Variants in HIVEP2 observed in about 807,000 individuals in gnomAD.
HIVEP2 encodes transcription factor HIVEP2.
Under a neutral mutation model 180.7 loss-of-function variants are expected in HIVEP2, and 14 were observed. The observed-to-expected ratio is 0.08, with a 90% confidence interval of 0.05 to 0.12. HIVEP2 has a LOEUF of 0.12. Among genes scored for constraint, HIVEP2 ranks in the 10% least tolerant of loss-of-function variants. The pLI is 1.00. For synonymous variants in HIVEP2, 1,184 were observed against 1,136.4 expected (o/e 1.04, Z -0.84); for missense variants, 2,579 against 3,008.5 (o/e 0.86, Z 3.34).
chr6:142,900,276 T>C (rs748596657), intron 1 of HIVEP2, among the ~76,000 whole-genome samples: 10 of 151,980 alleles, frequency 6.6e-5, no homozygotes, highest in Non-Finnish European at 1.3e-4. Context: ...ACTGGGGAAA[T>C]TGACAAAGAT....
intron 1 of HIVEP2, among the ~76,000 whole-genome samples, chr6:142,883,652 A>C (rs1042622650): frequency 6.6e-6 from 1 of 152,168 alleles, no homozygotes; most frequent in African/African-American, 2.4e-5. Context: ...CCCTCAAATG[A>C]AACTTTTTCA....
Position 142,771,569 on chromosome 6 carries a change from G to A in HIVEP2, c.3170C>T (p.Ser1057Phe). ...TGCTGCTCCCGACACAGGAGCATGG[G>A]ACAGATTCCCATAATCAAATGATTT... Reference protein sequence around the residue: ...RSKSFDYGNLSHAPVSGAAAS... With the variant: ...RSKSFDYGNLFHAPVSGAAAS... The change falls in exon 5 of 10, where the codon TCC becomes TTC. Residue 1057 changes from serine (S) to phenylalanine (F), a missense_variant. Coordinates refer to ENST00000367603, the MANE Select transcript of HIVEP2 (RefSeq NM_006734.4). The surrounding 1 kb of genome is among the most constrained non-coding windows in gnomAD (Gnocchi z 5.4). The A allele has an allele frequency of 6.2e-7, 1 of 1,614,058 alleles. No homozygotes were observed. The highest frequency in any genetic ancestry group is 2.2e-5 in the East Asian group (1 of 44,884).
rs1346207059 is a variant in HIVEP2 at position 142,764,861 on chromosome 6, C to T, written c.5456G>A (p.Arg1819His). The change falls in exon 7 of 10, where the codon CGT (arginine) becomes CAT (histidine). Residue 1819 changes from arginine (R) to histidine (H), a missense_variant. Transcript: ENST00000367603. ...KKPSMLKKHI[R>H]THTDVRPYVC... ...ATAAGGCCGAACATCAGTATGGGTA[C>T]GGATGTGTTTTTTGAGCATGCTTGG... is the stretch of plus-strand genomic sequence containing the variant. The T allele has an allele frequency of 9.3e-6, 15 of 1,613,920 alleles. No individual in the cohort carries two copies. Among genetic ancestry groups the T allele is most frequent in the East Asian group, 2.2e-5 (1 of 44,876 alleles).
chr6:142,936,209 T>C (rs939565529), intron 1 of HIVEP2, among the ~76,000 whole-genome samples: 7 of 152,098 alleles, frequency 4.6e-5, no homozygotes, highest in African/African-American at 1.7e-4. Flanking sequence ...CTCTTTTTTT[T>C]TGAGATGGAG....
At chr6:142,860,597 T>A (rs548722967) in intron 1 of HIVEP2, among the ~76,000 whole-genome samples, 27 of 152,136 alleles carry the variant, frequency 1.8e-4, no homozygotes, top group Non-Finnish European at 3.7e-4. Flanking sequence ...CAGTGACAGA[T>A]CATCATGCAT....
At position 142,773,245 on chromosome 6, in the gene HIVEP2, G is replaced by T. The variant is rs1775602001; in HGVS notation, c.1494C>A (p.Phe498Leu). The change falls in exon 5 of 10, where the codon TTC (phenylalanine) becomes TTA (leucine). Residue 498 changes from phenylalanine (F) to leucine (L), a missense_variant. Physicochemically the swap from Phe to Leu is conservative, Grantham distance 22 (BLOSUM62 0). Transcript: ENST00000367603. ...TCTGGGGTTGTCTGGACTCACTGTTGAACTTAGTGGATTTCAGCATGCTCG... is the reference window on the plus strand; with the variant it reads ...TCTGGGGTTGTCTGGACTCACTGTTTAACTTAGTGGATTTCAGCATGCTCG... The part of the protein sequence containing the change: ...SQTSMLKSTK[F>L]NSESRQPQII... The T allele has an allele frequency of 6.2e-7, 1 of 1,614,164 alleles. No homozygotes were observed. Among genetic ancestry groups the T allele is most frequent in the Non-Finnish European group, 8.5e-7 (1 of 1,180,020 alleles).
intron 2 of HIVEP2, among the ~76,000 whole-genome samples, chr6:142,802,227 T>C (rs898902327): frequency 1.3e-5 from 2 of 152,200 alleles, no homozygotes; most frequent in Non-Finnish European, 2.9e-5. Context: ...GCCATGATTA[T>C]GACAAAAGCA....
At chr6:142,930,692 T>C (rs1777923390) in intron 1 of HIVEP2, among the ~76,000 whole-genome samples, 1 of 152,172 alleles carries the variant, frequency 6.6e-6, no homozygotes, top group Non-Finnish European at 1.5e-5. Flanking sequence ...GCACATCTCC[T>C]TGTTCAGCCT....
intron 1 of HIVEP2, among the ~76,000 whole-genome samples, chr6:142,939,841 T>C (rs2128441223): frequency 6.6e-6 from 1 of 152,288 alleles, no homozygotes; most frequent in East Asian, 1.9e-4. Context: ...AATAGACTCT[T>C]TTTGTCACCT....
In HIVEP2 at chr6:142,943,771, G is replaced by T. The variant is rs552223175; in HGVS notation, c.-641+1328C>A. Among the ~76,000 whole-genome samples, 36 of 152,272 alleles carry T rather than the reference G, an allele frequency of 2.4e-4. No individual in the cohort carries two copies. Among genetic ancestry groups the T allele is most frequent in the African/African-American group, 8.7e-4 (36 of 41,542 alleles). On this transcript the variant is annotated intron_variant, in intron 1 of 9. Coordinates refer to ENST00000367603, the MANE Select transcript of HIVEP2 (RefSeq NM_006734.4). This position sits in a 1 kb window ranked among gnomAD's most constrained non-coding sequence, Gnocchi z 4.5. ...ATTCATTTTAGGCCTAAATAACTCT[G>T]CAGAGAATAAGGGTTTTGCAATGTC...
intron 1 of HIVEP2, among the ~76,000 whole-genome samples, chr6:142,864,159 A>G (rs899329307): frequency 1.3e-5 from 2 of 151,678 alleles, no homozygotes; most frequent in African/African-American, 4.8e-5. Context: ...TCTTTTGTCT[A>G]TCTCTCCCCC....
At chr6:142,896,594 T>C (rs1031402944) in intron 1 of HIVEP2, among the ~76,000 whole-genome samples, 21 of 152,156 alleles carry the variant, frequency 1.4e-4, no homozygotes, top group African/African-American at 4.3e-4. Context: ...CCCATTTTTG[T>C]CAATATTATC....
At chr6:142,786,634 T>C (rs1424963706) in intron 2 of HIVEP2, among the ~76,000 whole-genome samples, 1 of 152,250 alleles carries the variant, frequency 6.6e-6, no homozygotes, top group Non-Finnish European at 1.5e-5. Context: ...TTACTTGTTG[T>C]TGGATGCTTA....
Position 142,860,262 on chromosome 6 carries a change from T to C in HIVEP2, c.-640-23215A>G, listed in dbSNP as rs547856877. ...AAATGAACTCCTGATGAAAGGAAAA[T>C]ATATGTATATTTTATCATTTGTTTC... On this transcript the variant is annotated intron_variant, in intron 1 of 9. Coordinates refer to ENST00000367603, the MANE Select transcript of HIVEP2 (RefSeq NM_006734.4). Among the ~76,000 whole-genome samples the C allele has an allele frequency of 2.6e-5, 4 of 152,260 alleles. No individual in the cohort carries two copies. In the East Asian group the frequency reaches 5.8e-4, roughly 22 times the overall value.
intron 1 of HIVEP2, among the ~76,000 whole-genome samples, chr6:142,911,312 C>A (rs981018408): frequency 3.3e-5 from 5 of 151,898 alleles, no homozygotes; most frequent in African/African-American, 9.7e-5. Context: ...TTAAACATAG[C>A]AATTTTCAAG....
At chr6:142,868,270 A>G (rs776794766) in intron 1 of HIVEP2, among the ~76,000 whole-genome samples, 1 of 152,112 alleles carries the variant, frequency 6.6e-6, no homozygotes, top group Non-Finnish European at 1.5e-5. Context: ...TACTACAATA[A>G]CGGAACAAAT....
intron 5 of HIVEP2, among the ~76,000 whole-genome samples, chr6:142,769,092 C>G (rs907910454): frequency 6.6e-6 from 1 of 152,204 alleles, no homozygotes. Context: ...ACAGATGTCT[C>G]GTCAATGAGA....
At chr6:142,757,456 C>T (rs745858013) in intron 9 of HIVEP2, among the ~76,000 whole-genome samples, 17 of 152,112 alleles carry the variant, frequency 1.1e-4, no homozygotes, top group African/African-American at 2.7e-4. Flanking sequence ...GTCAAGAAAT[C>T]GAGACCATCC....
intron 2 of HIVEP2, among the ~76,000 whole-genome samples, chr6:142,818,639 A>T (rs1034082764): frequency 6.7e-6 from 1 of 148,738 alleles, no homozygotes; most frequent in Non-Finnish European, 1.5e-5. Flanking sequence ...ACTGCATTCT[A>T]GCCTGGGGGA....
Sources: allele counts gnomAD v4.1 joint callset (sites outside exome capture counted in the v4.1 genomes callset), GRCh38; gene constraint gnomAD v4.1.1; non-coding constraint Gnocchi (gnomAD v3.1); transcripts MANE v1.5; gene names NCBI Gene and HGNC (gene_info 2026-07-23, HGNC 2026-07-21).